PDZD2: variants seen among roughly 807,000 people sequenced by gnomAD.
PDZD2 encodes the protein PDZ domain containing 2.
Under a neutral mutation model 220.7 loss-of-function variants are expected in PDZD2, and 90 were observed. The observed-to-expected ratio is 0.41, with a 90% CI of 0.34 to 0.49. The LOEUF (loss-of-function observed/expected upper bound fraction) is 0.49, where lower values mean the gene tolerates loss of function less well. Ranked by LOEUF, PDZD2 falls within the 20% of genes least tolerant of loss-of-function variation. The pLI is 0.28. For synonymous variants in PDZD2, 1,375 were observed against 1,450.5 expected (o/e 0.95, Z 1.18); for missense variants, 3,174 against 3,608.5 (o/e 0.88, Z 3.08).
At chr5:31,823,173 A>G in intron 2 of PDZD2, 1 of 374,068 alleles carries the variant, frequency 2.7e-6, no homozygotes, top group Non-Finnish European at 5.1e-6. Context: ...AAAAAAAAAA[A>G]AAAAAAAAAG....
chr5:31,890,135 A>ATTTTTTTTTTTT (rs59916833), intron 2 of PDZD2, among the ~76,000 whole-genome samples: 1 of 98,244 alleles, frequency 1.0e-5, no homozygotes, highest in Non-Finnish European at 1.9e-5. Context: ...CTTTTTTGTG[A>ATTTTTTTTTTTT]TTTTTTTTTT....
At chr5:31,779,921 A>G (rs576051697) in intron 1 of PDZD2, among the ~76,000 whole-genome samples, 1 of 152,218 alleles carries the variant, frequency 6.6e-6, no homozygotes, top group South Asian at 2.1e-4. Context: ...CTGTGCTGGA[A>G]TAAGCACTCC....
chr5:31,715,938 T>C (rs548330295), intron 1 of PDZD2, among the ~76,000 whole-genome samples: 5 of 152,348 alleles, frequency 3.3e-5, no homozygotes, highest in African/African-American at 1.2e-4. Flanking sequence ...AAATGTTGAC[T>C]GAATCTTCCT....
At chr5:32,024,358 T>G (rs2112155006) in intron 6 of PDZD2, among the ~76,000 whole-genome samples, 1 of 151,986 alleles carries the variant, frequency 6.6e-6, no homozygotes, top group East Asian at 1.9e-4. Flanking sequence ...GGCATTAGAT[T>G]TGTGGGTGGA....
rs1025637390 is a variant in PDZD2, at chr5:32,052,748, G to C, written c.1785+18G>C. ...AAGGCAAGGTGAGCTCTTTTCTGCA[G>C]ACTGTTCTGCCTTCTGGGTGAATCT... On this transcript the variant is annotated intron_variant, in intron 9 of 24. Transcript: ENST00000438447. 1 of 1,612,116 alleles carries C rather than the reference G, an allele frequency of 6.2e-7. No individual in the cohort carries two copies. Among genetic ancestry groups the C allele is most frequent in the African/African-American group, 1.3e-5 (1 of 75,020 alleles).
chr5:32,046,162 G>A (rs1309404190), intron 7 of PDZD2, among the ~76,000 whole-genome samples: 1 of 152,056 alleles, frequency 6.6e-6, no homozygotes, highest in African/African-American at 2.4e-5. Context: ...TAAGATTAAT[G>A]TCCCTTAAAT....
At chr5:31,684,738 T>C (rs1267724680) in intron 1 of PDZD2, among the ~76,000 whole-genome samples, 1 of 152,190 alleles carries the variant, frequency 6.6e-6, no homozygotes, top group Admixed American at 6.5e-5. Context: ...ACAACCTGCT[T>C]TTTGTTTCGT....
chr5:32,039,787 A>C (rs1215235194), intron 7 of PDZD2, among the ~76,000 whole-genome samples: 3 of 115,030 alleles, frequency 2.6e-5, no homozygotes, highest in African/African-American at 1.0e-4. Context: ...TCTCTGCCGG[A>C]CTGCCCATCG....
chr5:31,888,638 A>G lies in PDZD2; in HGVS notation c.476+88914A>G, dbSNP rs189256791. On this transcript the variant is annotated intron_variant, in intron 2 of 24. Transcript: ENST00000438447. ...GCATGTGAAATTATTTGAGGGAGAG[A>G]GGAGAATGTGTTTTTCTAACCCTTA... 3.9e-5 allele frequency among the ~76,000 whole-genome samples: 6 copies of G among 152,310 alleles called. No individual in the cohort carries two copies. In the East Asian group the frequency reaches 1.2e-3, roughly 29 times the overall value.
chr5:31,754,379 G>C (rs1017740371), intron 1 of PDZD2: 4 of 152,212 alleles, frequency 2.6e-5, no homozygotes, highest in East Asian at 1.9e-4. Context: ...AGGCATGAAG[G>C]GTCTGAGGCT....
chr5:31,957,681 T>C (rs1451877396), intron 2 of PDZD2, among the ~76,000 whole-genome samples: 2 of 152,138 alleles, frequency 1.3e-5, no homozygotes, highest in African/African-American at 4.8e-5. Flanking sequence ...TGGTTTATTA[T>C]TCCCGTAAGA....
intron 3 of PDZD2, among the ~76,000 whole-genome samples, chr5:31,992,223 C>T (rs1449769160): frequency 6.6e-6 from 1 of 152,014 alleles, no homozygotes; most frequent in Non-Finnish European, 1.5e-5. Flanking sequence ...ATTATGTTAT[C>T]GGATAAAAGT....
rs985897113 is a variant in PDZD2, at chr5:31,936,423, A to C, written c.477-46732A>C. ...CAACTTACAGGTCTTCCAAGGGTTT[A>C]TTATTTTTTAATTATATGAGAGATG... On this transcript the variant is annotated intron_variant, in intron 2 of 24. Transcript: ENST00000438447. 1.5e-5 allele frequency: 12 copies of C among 792,556 alleles called. No individual in the cohort carries two copies. In the African/African-American group the frequency reaches 2.2e-4, roughly 15 times the overall value. The allele number at this position is 792,556 out of a possible 1,614,324, so 49.1% of individuals were successfully genotyped here.
chr5:32,022,350 G>A (rs12188513), intron 6 of PDZD2, among the ~76,000 whole-genome samples: 73,734 of 147,560 alleles, frequency 0.5, 19,178 homozygotes, highest in Non-Finnish European at 0.58. Flanking sequence ...GGCGCACACC[G>A]CCACTCACAG....
At chr5:31,652,092 A>G (rs1745374614) in intron 1 of PDZD2, among the ~76,000 whole-genome samples, 2 of 148,812 alleles carry the variant, frequency 1.3e-5, no homozygotes, top group Admixed American at 6.8e-5. Flanking sequence ...TGGCCTCCCA[A>G]GATGTTAGGA....
chr5:31,866,447 C>T (rs145386641), intron 2 of PDZD2, among the ~76,000 whole-genome samples: 1 of 152,082 alleles, frequency 6.6e-6, no homozygotes, highest in South Asian at 2.1e-4. Context: ...CATCTGAGGG[C>T]AGAGAGAGGG....
chr5:31,978,650 G>T (rs1749998462), intron 2 of PDZD2, among the ~76,000 whole-genome samples: 1 of 147,570 alleles, frequency 6.8e-6, no homozygotes, highest in Non-Finnish European at 1.5e-5. Flanking sequence ...GGGAGGCGGA[G>T]TTGGCAGTGA....
At chr5:31,883,009 G>A (rs1740065034) in intron 2 of PDZD2, among the ~76,000 whole-genome samples, 1 of 109,078 alleles carries the variant, frequency 9.2e-6, no homozygotes, top group South Asian at 3.6e-4. Context: ...CATCCTGGGT[G>A]ACAGACTCTG....
intron 1 of PDZD2, among the ~76,000 whole-genome samples, chr5:31,702,527 C>A (rs1039705470): frequency 6.6e-6 from 1 of 152,208 alleles, no homozygotes; most frequent in African/African-American, 2.4e-5. Context: ...ACCTCAGGTT[C>A]CACTTTGCCC....
Sources: gnomAD v4.1 joint callset for allele counts (sites outside exome capture counted in the v4.1 genomes callset) on GRCh38, gnomAD v4.1.1 for gene constraint, MANE v1.5 for transcripts, NCBI Gene and HGNC (gene_info 2026-07-23, HGNC 2026-07-21) for gene names.